SLC4A10: variants seen among roughly 807,000 people sequenced by gnomAD.
The protein encoded by SLC4A10 is solute carrier family 4 member 10, also known as sodium-driven chloride bicarbonate exchanger.
In SLC4A10, 42 loss-of-function variants were observed where a neutral mutation model predicts 137.7. The ratio of observed to expected loss-of-function variants is 0.30; its 90% confidence interval spans 0.24 to 0.39. SLC4A10 has a LOEUF of 0.39. SLC4A10 is among the 10% of genes least tolerant of loss of function. The probability of loss-of-function intolerance (pLI) is 1.00; values close to 1 mark genes in which losing one functional copy is unlikely to be tolerated. For synonymous variants in SLC4A10, 474 were observed against 464.1 expected (o/e 1.02, Z -0.27); for missense variants, 925 against 1,355.0 (o/e 0.68, Z 4.98).
At chr2:161,960,162 G>A (rs1248387314) in intron 21 of SLC4A10, among the ~76,000 whole-genome samples, 2 of 151,580 alleles carry the variant, frequency 1.3e-5, no homozygotes, top group Non-Finnish European at 2.9e-5. Context: ...TCAAGAGATC[G>A]AGAACATCCT....
At chr2:161,942,732 T>C (rs1397117931) in intron 15 of SLC4A10, 60 bp from the exon 16 acceptor site, 21 of 1,292,918 alleles carry the variant, frequency 1.6e-5, no homozygotes, top group Non-Finnish European at 2.2e-5. Flanking sequence ...TATACATTAG[T>C]CTTCGGTACA....
chr2:161,868,417 T>C (rs1486394802), intron 6 of SLC4A10, among the ~76,000 whole-genome samples: 1 of 151,748 alleles, frequency 6.6e-6, no homozygotes, highest in Non-Finnish European at 1.5e-5. Flanking sequence ...GCTTCATTTT[T>C]CTAGTTAGTA....
At chr2:161,714,973 G>T (rs1374776143) in intron 1 of SLC4A10, among the ~76,000 whole-genome samples, 1 of 151,812 alleles carries the variant, frequency 6.6e-6, no homozygotes, top group Non-Finnish European at 1.5e-5. Flanking sequence ...ATATTTGTGT[G>T]TATACACACA....
chr2:161,818,042 T>C (rs531255025), intron 3 of SLC4A10, among the ~76,000 whole-genome samples: 1 of 152,292 alleles, frequency 6.6e-6, no homozygotes, highest in South Asian at 2.1e-4. Flanking sequence ...TTGATGGGGA[T>C]GGTATTGAAT....
intron 1 of SLC4A10, among the ~76,000 whole-genome samples, chr2:161,770,750 C>T (rs531493329): frequency 2.6e-5 from 4 of 151,780 alleles, no homozygotes; most frequent in Non-Finnish European, 5.9e-5. Context: ...TTGACTGCCT[C>T]CAATGTTATA....
intron 26 of SLC4A10, among the ~76,000 whole-genome samples, chr2:161,981,657 A>T (rs1428904655): frequency 6.6e-6 from 1 of 152,268 alleles, no homozygotes; most frequent in African/African-American, 2.4e-5. Context: ...TATAAAAGGA[A>T]CTTAAAGTAG....
chr2:161,669,512 G>A (rs1461135541), intron 1 of SLC4A10, among the ~76,000 whole-genome samples: 2 of 151,576 alleles, frequency 1.3e-5, no homozygotes, highest in Non-Finnish European at 1.5e-5. Context: ...AGTTACTTTT[G>A]GTATAATTAA....
intron 15 of SLC4A10, among the ~76,000 whole-genome samples, chr2:161,912,952 A>G (rs1213726590): frequency 6.6e-6 from 1 of 152,214 alleles, no homozygotes; most frequent in Non-Finnish European, 1.5e-5. Context: ...TGTCGCTAAA[A>G]CGATACCAGA....
chr2:161,671,549 G>T (rs1481978099), intron 1 of SLC4A10, among the ~76,000 whole-genome samples: 1 of 152,080 alleles, frequency 6.6e-6, no homozygotes, highest in Non-Finnish European at 1.5e-5. Flanking sequence ...GAGAGAGGGA[G>T]GGAGACAAGG....
intron 3 of SLC4A10, among the ~76,000 whole-genome samples, chr2:161,822,480 C>G (rs942161092): frequency 6.6e-6 from 1 of 152,120 alleles, no homozygotes; most frequent in Non-Finnish European, 1.5e-5. Context: ...ACTCTAGAAT[C>G]ACAAATTGTG....
At chr2:161,935,607 T>G (rs756675688) in intron 15 of SLC4A10, among the ~76,000 whole-genome samples, 1 of 152,192 alleles carries the variant, frequency 6.6e-6, no homozygotes, top group Non-Finnish European at 1.5e-5. Context: ...TGGATTAAAT[T>G]TATTCCTAAG....
At chr2:161,699,523 T>G (rs1475350929) in intron 1 of SLC4A10, among the ~76,000 whole-genome samples, 4 of 152,214 alleles carry the variant, frequency 2.6e-5, no homozygotes, top group African/African-American at 4.8e-5. Flanking sequence ...ATATATTAAG[T>G]TCAAATGTTG....
Position 161,976,810 on chromosome 2 carries a change from T to G in SLC4A10, c.3278T>G (p.Leu1093Trp). The change falls in exon 25 of 27, where the codon TTG becomes TGG. Residue 1093 changes from leucine (L) to tryptophan (W), a missense_variant. This residue lies in a region of SLC4A10 where 84 missense variants were observed against 76.9 expected (regional missense o/e 1.09). Coordinates refer to ENST00000446997, the MANE Select transcript of SLC4A10 (RefSeq NM_001178015.2). ...NISDEMSKTA[L>W]WRNLLITADN... ...TCTGATGAAATGTCAAAGACTGCCT[T>G]GTGGAGGAACCTTCTGATTACTGCC... 6.2e-7 allele frequency: 1 copy of G among 1,606,412 alleles called. No homozygotes were observed. Among genetic ancestry groups the G allele is most frequent in the Non-Finnish European group, 8.5e-7 (1 of 1,176,276 alleles).
At chr2:161,648,652 TTGGTGACTA>T (rs1481739338) in intron 1 of SLC4A10, among the ~76,000 whole-genome samples, 19 of 152,240 alleles carry the variant, frequency 1.2e-4, no homozygotes, top group Admixed American at 4.6e-4. Context: ...CTGTTTCAGT[TTGGTGACTA>T]TGCTTCCAGA....
intron 1 of SLC4A10, among the ~76,000 whole-genome samples, chr2:161,655,817 C>G (rs377360289): frequency 5.6e-5 from 8 of 142,406 alleles, no homozygotes; most frequent in South Asian, 2.2e-4. Context: ...AAAAATTCTT[C>G]TTTTTTTTTT....
intron 1 of SLC4A10, among the ~76,000 whole-genome samples, chr2:161,682,812 G>A (rs2041008209): frequency 6.6e-6 from 1 of 152,074 alleles, no homozygotes; most frequent in African/African-American, 2.4e-5. Flanking sequence ...GTCTCCTGTA[G>A]GGTGGACAGA....
At chr2:161,723,455 T>C (rs1353400389) in intron 1 of SLC4A10, among the ~76,000 whole-genome samples, 1 of 152,224 alleles carries the variant, frequency 6.6e-6, no homozygotes, top group East Asian at 1.9e-4. Context: ...GTGACTTGAC[T>C]TTCATTGGTT....
At position 161,808,074 on chromosome 2, in the gene SLC4A10, A is replaced by G. The variant is rs947060583; in HGVS notation, c.277+3479A>G. On this transcript the variant is annotated intron_variant, in intron 3 of 26. Coordinates refer to ENST00000446997, the MANE Select transcript of SLC4A10 (RefSeq NM_001178015.2). ...CCTTTATTTTGGTATTTAGTTTTAC[A>G]TTTATTATGATATTTTCAGACACAC... is the stretch of plus-strand genomic sequence containing the variant. 2.6e-5 allele frequency among the ~76,000 whole-genome samples: 4 copies of G among 152,052 alleles called. No homozygotes were observed. In the East Asian group the frequency reaches 7.7e-4, roughly 29 times the overall value.
rs535379071 is a variant in SLC4A10 at position 161,699,422 on chromosome 2, G to C, written c.49-71551G>C. ...GACTCAAACAAGAGAAATATGTTTT[G>C]AGTTTTGAAATAGCCACCCCGGCAT... On this transcript the variant is annotated intron_variant, in intron 1 of 26. Coordinates refer to ENST00000446997, the MANE Select transcript of SLC4A10 (RefSeq NM_001178015.2). 1.3e-4 allele frequency among the ~76,000 whole-genome samples: 20 copies of C among 152,236 alleles called. 1 individual carries two copies. In the South Asian group the frequency reaches 4.1e-3, roughly 32 times the overall value.
Sources: gnomAD v4.1 joint callset for allele counts (sites outside exome capture counted in the v4.1 genomes callset) on GRCh38, gnomAD v4.1.1 for gene constraint, gnomAD v4.1.1 regional missense constraint, MANE v1.5 for transcripts, NCBI Gene and HGNC (gene_info 2026-07-23, HGNC 2026-07-21) for gene names.